INPP5F: variants seen among roughly 807,000 people sequenced by gnomAD.
The protein encoded by INPP5F is phosphatidylinositide 4-phosphatase SAC2.
A neutral mutation model predicts 137.2 loss-of-function variants in INPP5F; 97 were observed. The observed-to-expected ratio is 0.71, with a 90% CI of 0.60 to 0.84. The LOEUF (loss-of-function observed/expected upper bound fraction) is 0.84, where lower values mean the gene tolerates loss of function less well. Among genes scored for constraint, INPP5F ranks in the 40% least tolerant of loss-of-function variants. The pLI, the probability that INPP5F is intolerant of heterozygous loss-of-function variation, is 0.00. For synonymous variants in INPP5F, 504 were observed against 476.9 expected, an observed-to-expected ratio of 1.06 and a Z score of -0.74; for missense variants, 1,271 against 1,371.9, an observed-to-expected ratio of 0.93 and a Z score of 1.16.
In INPP5F at chr10:119,823,159, A is replaced by G; in HGVS notation, c.2121A>G (p.Thr707=). 6.2e-7 allele frequency: 1 copy of G among 1,614,126 alleles called. No homozygotes were observed. Among genetic ancestry groups the G allele is most frequent in the South Asian group, 1.1e-5 (1 of 91,084 alleles). The change falls in exon 18 of 20, where the codon ACA becomes ACG. Residue 707 remains threonine, a synonymous_variant. Transcript: ENST00000650623. ...RYKEASGYFH[T]LRAVMRNPEE... Reference sequence around the variant, plus strand: ...AAGAAGCGAGTGGCTATTTCCACACATTGCGAGCTGTAATGCGTAATCCTG... The same window carrying G: ...AAGAAGCGAGTGGCTATTTCCACACGTTGCGAGCTGTAATGCGTAATCCTG...
At chr10:119,809,633 C>T (rs979534187) in intron 13 of INPP5F, among the ~76,000 whole-genome samples, 1 of 152,214 alleles carries the variant, frequency 6.6e-6, no homozygotes, top group Non-Finnish European at 1.5e-5. Flanking sequence ...GGTAAGGAAA[C>T]TCCTGCTTTT....
intron 2 of INPP5F, among the ~76,000 whole-genome samples, chr10:119,762,688 T>C (rs1439945611): frequency 4.6e-5 from 7 of 152,214 alleles, no homozygotes; most frequent in African/African-American, 9.6e-5. Context: ...ATGGAAATAT[T>C]AATACTATGC....
At chr10:119,814,008 T>C (rs562021839) in intron 15 of INPP5F, among the ~76,000 whole-genome samples, 106 of 152,270 alleles carry the variant, frequency 7.0e-4, no homozygotes, top group African/African-American at 2.3e-3. Flanking sequence ...GCCCAGTAAA[T>C]GCATCCTATT....
At chr10:119,794,771 C>T (rs561658780) in intron 6 of INPP5F, among the ~76,000 whole-genome samples, 1,958 of 131,396 alleles carry the variant, frequency 0.015, 50 homozygotes, top group African/African-American at 0.05. Context: ...CCCTCCCGGA[C>T]GGGGCGGCTG....
intron 7 of INPP5F, 59 bp downstream of exon 7, chr10:119,796,972 A>G: frequency 4.9e-6 from 7 of 1,435,908 alleles, no homozygotes; most frequent in Non-Finnish European, 6.8e-6. Flanking sequence ...GAAAAGCTGC[A>G]GATGTGTTGA....
At chr10:119,800,500 C>T (rs1483347320) in intron 9 of INPP5F, among the ~76,000 whole-genome samples, 2 of 148,466 alleles carry the variant, frequency 1.3e-5, no homozygotes, top group Non-Finnish European at 3.0e-5. Context: ...GCAGAGGTTG[C>T]AGTAAGCCAA....
chr10:119,784,798 T>C (rs942991755), intron 3 of INPP5F, among the ~76,000 whole-genome samples: 1 of 152,218 alleles, frequency 6.6e-6, no homozygotes. Context: ...CAATCAATTT[T>C]AGAACCTTTC....
At position 119,768,009 on chromosome 10, in the gene INPP5F, G is replaced by A. The variant is rs192211953; in HGVS notation, c.179-13626G>A. ...ATGTTACAGAGAAGAAAGGAAAGGC[G>A]AGCAGACTTTTCCCCTTTTCAGATT... On this transcript the variant is annotated intron_variant, in intron 2 of 19. Coordinates refer to ENST00000650623, the MANE Select transcript of INPP5F (RefSeq NM_014937.4). Among the ~76,000 whole-genome samples the A allele has an allele frequency of 1.4e-4, 21 of 152,302 alleles. No homozygotes were observed. In the East Asian group the frequency reaches 2.7e-3, roughly 20 times the overall value.
intron 2 of INPP5F, among the ~76,000 whole-genome samples, chr10:119,751,864 C>T (rs1848700250): frequency 6.6e-6 from 1 of 152,208 alleles, no homozygotes; most frequent in African/African-American, 2.4e-5. Context: ...CTCCTGGCCT[C>T]CAGCAGTTCC....
intron 15 of INPP5F, among the ~76,000 whole-genome samples, chr10:119,817,734 G>T (rs1851334886): frequency 6.6e-6 from 1 of 152,092 alleles, no homozygotes; most frequent in Non-Finnish European, 1.5e-5. Flanking sequence ...TTGGGATTAG[G>T]GTCAAGTGAG....
rs1437541786 is a variant in INPP5F at position 119,781,642 on chromosome 10, A to G, written c.186A>G (p.Pro62=). The G allele has an allele frequency of 3.1e-6, 5 of 1,608,358 alleles. No homozygotes were observed. The South Asian group carries it at 4.4e-5, about 14-fold the overall frequency. The part of the protein sequence containing the change: ...IGKIQLHSDL[P]WWLILIRQKA... ...ATGACTCTCCTCTTTCAGATCTTCC[A>G]TGGTGGCTTATTCTAATTCGGCAGA... Residue 62 remains proline, a synonymous_variant, in exon 3 of 20, where the codon CCA becomes CCG. Transcript: ENST00000650623.
intron 6 of INPP5F, among the ~76,000 whole-genome samples, chr10:119,796,294 C>T (rs1006416105): frequency 6.6e-6 from 1 of 152,058 alleles, no homozygotes; most frequent in African/African-American, 2.4e-5. Flanking sequence ...AGCCTTAATA[C>T]AATTGGGAGT....
chr10:119,823,771 T>C, intron 18 of INPP5F, 44 bp from the exon 19 acceptor site: 1 of 1,450,242 alleles, frequency 6.9e-7, no homozygotes, highest in South Asian at 1.2e-5. Flanking sequence ...TTTTTTTTAG[T>C]ATGTTTATGG....
chr10:119,822,365 C>G (rs1851601328), intron 16 of INPP5F, 66 bp from the exon 17 acceptor site: 2 of 804,764 alleles, frequency 2.5e-6, no homozygotes. Context: ...GCTATTATGC[C>G]TTCCCTGACA....
Position 119,748,905 on chromosome 10 carries a change from A to G in INPP5F, c.98-2171A>G, listed in dbSNP as rs1848615322. On this transcript the variant is annotated intron_variant, in intron 1 of 19. Coordinates refer to ENST00000650623, the MANE Select transcript of INPP5F (RefSeq NM_014937.4). This position sits in a 1 kb window ranked among gnomAD's most constrained non-coding sequence, Gnocchi z 4.7. Reference sequence around the variant, plus strand: ...CAGGAACCTGTGTCTGTCTCCCTCCACTGCCCAGGCTGTTTGGGCTGAGGG... The same window carrying G: ...CAGGAACCTGTGTCTGTCTCCCTCCGCTGCCCAGGCTGTTTGGGCTGAGGG... Among the ~76,000 whole-genome samples the G allele has an allele frequency of 6.6e-6, 1 of 152,060 alleles. No individual in the cohort carries two copies. The highest frequency in any genetic ancestry group is 1.5e-5 in the Non-Finnish European group (1 of 68,004).
intron 2 of INPP5F, 72 bp downstream of exon 2, chr10:119,751,228 T>A: frequency 4.4e-6 from 4 of 912,782 alleles, no homozygotes; most frequent in Non-Finnish European, 7.4e-6. Context: ...TCTTTGAGGA[T>A]ACATGAGATT....
intron 1 of INPP5F, among the ~76,000 whole-genome samples, chr10:119,742,714 T>C (rs1020646912): frequency 1.3e-5 from 2 of 151,970 alleles, no homozygotes; most frequent in African/African-American, 4.8e-5. Context: ...CTGGTCTGGC[T>C]TGGTGCGGTA....
intron 15 of INPP5F, chr10:119,819,465 G>T (rs1410697951): frequency 6.3e-7 from 1 of 1,588,184 alleles, no homozygotes; most frequent in African/African-American, 1.3e-5. Flanking sequence ...ATTAGTAGTA[G>T]AATTTATTTC....
At chr10:119,749,994 C>T (rs1027727164) in intron 1 of INPP5F, among the ~76,000 whole-genome samples, 6 of 152,126 alleles carry the variant, frequency 3.9e-5, no homozygotes, top group Non-Finnish European at 7.3e-5. Context: ...GTCTCGAACT[C>T]CTGACCTCAG....
Sources: gnomAD v4.1 joint callset for allele counts (sites outside exome capture counted in the v4.1 genomes callset) on GRCh38, gnomAD v4.1.1 for gene constraint, Gnocchi (gnomAD v3.1) non-coding constraint, MANE v1.5 for transcripts, NCBI Gene and HGNC (gene_info 2026-07-23, HGNC 2026-07-21) for gene names.